The following TBC1D5 variants were observed in gnomAD, a reference collection of about 807,000 sequenced individuals.
TBC1D5 encodes TBC1 domain family member 5, also known as TBC1 domain family, member 5.
A neutral mutation model predicts 100.3 loss-of-function variants in TBC1D5; 75 were observed. That is an observed-to-expected ratio of 0.75 (90% CI 0.62 to 0.91). The LOEUF (loss-of-function observed/expected upper bound fraction) is 0.91, where lower values mean the gene tolerates loss of function less well. Among genes scored for constraint, TBC1D5 ranks in the 40% least tolerant of loss-of-function variants. The pLI is 0.00. For synonymous variants in TBC1D5, 323 were observed against 325.6 expected (o/e 0.99, Z 0.09); for missense variants, 910 against 942.4 (o/e 0.97, Z 0.45).
At chr3:17,636,757 T>C (rs1172023242) in intron 1 of TBC1D5, among the ~76,000 whole-genome samples, 2 of 151,516 alleles carry the variant, frequency 1.3e-5, no homozygotes, top group Non-Finnish European at 2.9e-5. Flanking sequence ...GCCGAGATCA[T>C]GCCACTGCAC....
chr3:17,546,137 A>G (rs1413441368), intron 2 of TBC1D5, among the ~76,000 whole-genome samples: 2 of 152,216 alleles, frequency 1.3e-5, no homozygotes, highest in African/African-American at 4.8e-5. Context: ...TACAAAGTCC[A>G]GCACAGAAAG....
intron 9 of TBC1D5, 43 bp downstream of exon 9, chr3:17,383,870 A>C: frequency 6.7e-7 from 1 of 1,498,458 alleles, no homozygotes; most frequent in South Asian, 1.2e-5. Flanking sequence ...CTGTATAGAA[A>C]ATTTTGAGTC....
chr3:17,219,963 G>C (rs2122368), intron 17 of TBC1D5, among the ~76,000 whole-genome samples: 1 of 151,832 alleles, frequency 6.6e-6, no homozygotes. Context: ...CTGCTGACTT[G>C]CTTTCTGAAC....
chr3:17,435,603 C>G (rs1334226243), intron 3 of TBC1D5, among the ~76,000 whole-genome samples: 1 of 152,212 alleles, frequency 6.6e-6, no homozygotes, highest in African/African-American at 2.4e-5. Flanking sequence ...ATTCAATTAC[C>G]TCCCACCAGG....
chr3:17,709,369 T>C (rs139429163), intron 1 of TBC1D5, among the ~76,000 whole-genome samples: 3 of 152,314 alleles, frequency 2.0e-5, no homozygotes, highest in South Asian at 4.1e-4. Flanking sequence ...TGGAGTCAGA[T>C]TGAATCAAGA....
intron 9 of TBC1D5, among the ~76,000 whole-genome samples, chr3:17,377,675 T>C (rs17043525): frequency 0.03 from 4,538 of 152,110 alleles, 225 homozygotes; most frequent in African/African-American, 0.1. Flanking sequence ...CAGAGTCACA[T>C]AGTCCTCTGC....
chr3:17,410,502 T>C (rs1324044913), intron 4 of TBC1D5, among the ~76,000 whole-genome samples: 1 of 152,180 alleles, frequency 6.6e-6, no homozygotes, highest in Non-Finnish European at 1.5e-5. Context: ...TGCCATATGA[T>C]AGTGATTTCT....
intron 3 of TBC1D5, among the ~76,000 whole-genome samples, chr3:17,503,151 A>G (rs1202742938): frequency 6.7e-6 from 1 of 149,724 alleles, no homozygotes; most frequent in Non-Finnish European, 1.5e-5. Context: ...CCTAGTCTTC[A>G]GTCTTATTTG....
intron 1 of TBC1D5, among the ~76,000 whole-genome samples, chr3:17,665,798 T>C (rs1170575137): frequency 6.6e-6 from 1 of 152,218 alleles, no homozygotes; most frequent in Non-Finnish European, 1.5e-5. Flanking sequence ...TCTGATTGCA[T>C]TGTTCCTCAT....
At chr3:17,695,631 TC>T (rs1424506549) in intron 1 of TBC1D5, among the ~76,000 whole-genome samples, 1 of 152,096 alleles carries the variant, frequency 6.6e-6, no homozygotes, top group Non-Finnish European at 1.5e-5. Context: ...AGACTTAGAC[TC>T]CCACACAATA....
At chr3:17,314,483 T>C (rs1471227341) in intron 13 of TBC1D5, among the ~76,000 whole-genome samples, 3 of 152,144 alleles carry the variant, frequency 2.0e-5, no homozygotes, top group African/African-American at 7.2e-5. Flanking sequence ...ACCTTCCCCT[T>C]TCATTTCCTG....
chr3:17,692,895 C>T (rs1379816178), intron 1 of TBC1D5, among the ~76,000 whole-genome samples: 2 of 152,180 alleles, frequency 1.3e-5, no homozygotes, highest in Non-Finnish European at 2.9e-5. Context: ...TTTGGGAAGC[C>T]AAGGCAGGCA....
At chr3:17,328,097 C>A (rs1186888168) in intron 13 of TBC1D5, among the ~76,000 whole-genome samples, 1 of 152,008 alleles carries the variant, frequency 6.6e-6, no homozygotes, top group African/African-American at 2.4e-5. Context: ...CAGTGAGACA[C>A]TGTATCTACA....
At chr3:17,601,250 C>T (rs371666299) in intron 2 of TBC1D5, among the ~76,000 whole-genome samples, 2 of 152,226 alleles carry the variant, frequency 1.3e-5, no homozygotes, top group African/African-American at 2.4e-5. Context: ...GTGGCTCATG[C>T]CTGTAATCCC....
At chr3:17,346,948 T>G (rs1037719760) in intron 13 of TBC1D5, among the ~76,000 whole-genome samples, 1 of 152,198 alleles carries the variant, frequency 6.6e-6, no homozygotes, top group Admixed American at 6.5e-5. Context: ...ATAATATACT[T>G]GAATATATGG....
At chr3:17,458,267 C>G (rs191171998) in intron 3 of TBC1D5, among the ~76,000 whole-genome samples, 3 of 152,202 alleles carry the variant, frequency 2.0e-5, no homozygotes, top group African/African-American at 7.2e-5. Context: ...TTCCCTGTTT[C>G]CATACCCCAA....
intron 14 of TBC1D5, among the ~76,000 whole-genome samples, 175 bp from the exon 15 acceptor site, chr3:17,292,176 T>C (rs529028010): frequency 6.6e-6 from 1 of 152,186 alleles, no homozygotes; most frequent in Non-Finnish European, 1.5e-5. Context: ...AAGGAACACA[T>C]TGTATTGTTA....
At chr3:17,362,319 G>A (rs1352723498) in intron 13 of TBC1D5, among the ~76,000 whole-genome samples, 14 of 152,160 alleles carry the variant, frequency 9.2e-5, no homozygotes, top group African/African-American at 3.1e-4. Context: ...TGAAAGACAT[G>A]AGAAATGAAA....
chr3:17,689,128 T>C (rs2070730961), intron 1 of TBC1D5, among the ~76,000 whole-genome samples: 1 of 151,752 alleles, frequency 6.6e-6, no homozygotes, highest in South Asian at 2.1e-4. Context: ...ATAAAAGAAA[T>C]GGAAAAACAA....
Sources: gnomAD v4.1 joint callset for allele counts (sites outside exome capture counted in the v4.1 genomes callset) on GRCh38, gnomAD v4.1.1 for gene constraint, MANE v1.5 for transcripts, NCBI Gene and HGNC (gene_info 2026-07-23, HGNC 2026-07-21) for gene names.